The following HSD17B12 variants were observed in gnomAD, a reference collection of about 807,000 sequenced individuals.
HSD17B12 encodes hydroxysteroid 17-beta dehydrogenase 12.
In HSD17B12, 32 loss-of-function variants were observed where a neutral mutation model predicts 39.3. The ratio of observed to expected loss-of-function variants is 0.81; its 90% CI spans 0.61 to 1.09. The LOEUF is 1.09. Ranked by LOEUF, HSD17B12 falls within the 50% of genes least tolerant of loss-of-function variation. The pLI is 0.00. For missense variants in HSD17B12, 342 were observed against 382.9 expected, an observed-to-expected ratio of 0.89 and a Z score of 0.89; for synonymous variants, 150 against 146.7, an observed-to-expected ratio of 1.02 and a Z score of -0.16.
At chr11:43,736,917 A>G (rs1220906535) in intron 1 of HSD17B12, among the ~76,000 whole-genome samples, 1 of 152,210 alleles carries the variant, frequency 6.6e-6, no homozygotes, top group Non-Finnish European at 1.5e-5. Context: ...TTTAGCAACA[A>G]AAGGGAATTG....
rs573306253 is a variant in HSD17B12 at position 43,831,310 on chromosome 11, G to A, written c.536+300G>A. 39 of 208,090 alleles carry A rather than the reference G, an allele frequency of 1.9e-4. No homozygotes were observed. The highest frequency in any genetic ancestry group is 1.5e-3 in the Middle Eastern group (1 of 688). 12.9% of individuals were successfully genotyped at this position (208,090 alleles called of 1,614,324 possible). On this transcript the variant is annotated intron_variant, in intron 7 of 10. Transcript: ENST00000278353. This position sits in a 1 kb window ranked among gnomAD's most constrained non-coding sequence, Gnocchi z 4.1. ...CAATTGCCTACTATTCTGAGGGGGC[G>A]GATAGAGTTCCTGGGATATTCCCGG... is the stretch of plus-strand genomic sequence containing the variant.
chr11:43,750,843 G>A (rs1037211490), intron 1 of HSD17B12, 68 bp from the exon 2 acceptor site: 1 of 1,023,374 alleles, frequency 9.8e-7, no homozygotes, highest in Non-Finnish European at 1.5e-6. Flanking sequence ...GTAATTGGTG[G>A]GTCCTAACTA....
intron 1 of HSD17B12, among the ~76,000 whole-genome samples, chr11:43,717,804 C>CTT (rs34501307): frequency 0.01 from 1,314 of 130,156 alleles, 8 homozygotes; most frequent in Non-Finnish European, 0.013. Flanking sequence ...TCTTCTTCTT[C>CTT]TTTTTTTTTT....
the HSD17B12 span, among the ~76,000 whole-genome samples, chr11:43,602,229 A>T: frequency 1.3e-5 from 2 of 152,238 alleles, no homozygotes; most frequent in African/African-American, 4.8e-5. Flanking sequence ...AAATCAATAC[A>T]TGTTCATTGT....
At chr11:43,566,686 C>A in the HSD17B12 span, among the ~76,000 whole-genome samples, 1 of 152,240 alleles carries the variant, frequency 6.6e-6, no homozygotes, top group African/African-American at 2.4e-5. Flanking sequence ...CACACCGCCA[C>A]GCCCGGCTAA....
chr11:43,780,826 C>G (rs1418401815), intron 3 of HSD17B12, among the ~76,000 whole-genome samples: 3 of 152,296 alleles, frequency 2.0e-5, no homozygotes, highest in Middle Eastern at 3.4e-3. Flanking sequence ...GCACCTTTCC[C>G]CAAGGTGACC....
chr11:43,577,541 C>T, the HSD17B12 span, among the ~76,000 whole-genome samples: 1 of 152,260 alleles, frequency 6.6e-6, no homozygotes, highest in Admixed American at 6.5e-5. Flanking sequence ...GATTTCTCCT[C>T]GGTGATGGTG....
intron 1 of HSD17B12, among the ~76,000 whole-genome samples, chr11:43,686,101 A>T (rs1041113247): frequency 2.6e-5 from 4 of 152,210 alleles, no homozygotes; most frequent in Non-Finnish European, 4.4e-5. Flanking sequence ...TCGCTCTGGC[A>T]TTCTTGAATG....
rs372925723 is a variant in HSD17B12, at chr11:43,744,356, TA to T, written c.161-6545del. The stretch of plus-strand genomic sequence containing the variant: ...GTGATAATTGTAAAAGCCCCAATGA[TA>T]AAAAAAAAAGCAGGTTACATAGAAA... On this transcript the variant is annotated intron_variant, in intron 1 of 10. Transcript: ENST00000278353. Among the ~76,000 whole-genome samples the T allele has an allele frequency of 1.5e-3, 220 of 145,048 alleles. 1 individual carries two copies. The highest frequency in any genetic ancestry group is 4.9e-3 in the African/African-American group (194 of 39,744).
intron 1 of HSD17B12, among the ~76,000 whole-genome samples, chr11:43,685,653 C>T (rs2902381): frequency 6.6e-6 from 1 of 152,162 alleles, no homozygotes; most frequent in Non-Finnish European, 1.5e-5. Flanking sequence ...GGTTTCATAG[C>T]TATTAAATTG....
chr11:43,655,643 T>C, the HSD17B12 span, among the ~76,000 whole-genome samples: 1 of 152,242 alleles, frequency 6.6e-6, no homozygotes, highest in Non-Finnish European at 1.5e-5. Flanking sequence ...CAAATGCCTT[T>C]TCTGCATCTA....
chr11:43,682,544 C>CAAAAAAAAAAAAAAAAAAAAA (rs55938101), intron 1 of HSD17B12, among the ~76,000 whole-genome samples: 1 of 118,462 alleles, frequency 8.4e-6, no homozygotes, highest in African/African-American at 3.2e-5. Flanking sequence ...AGACTCATCT[C>CAAAAAAAAAAAAAAAAAAAAA]AAAAAAAAAA....
chr11:43,743,968 G>A (rs182985327), intron 1 of HSD17B12, among the ~76,000 whole-genome samples: 22 of 152,298 alleles, frequency 1.4e-4, no homozygotes, highest in Admixed American at 4.6e-4. Flanking sequence ...TGTTAAAAGC[G>A]AGAAGGAGAG....
At chr11:43,734,593 G>A (rs1003713653) in intron 1 of HSD17B12, 7 of 367,606 alleles carry the variant, frequency 1.9e-5, no homozygotes, top group African/African-American at 1.2e-4. Flanking sequence ...GCATCTTCAC[G>A]GGCCAACTGG....
chr11:43,764,203 A>T (rs970718381), intron 3 of HSD17B12, among the ~76,000 whole-genome samples: 29 of 152,240 alleles, frequency 1.9e-4, no homozygotes, highest in Middle Eastern at 3.4e-3. Context: ...CCAATATTAG[A>T]AATGTTTCAA....
intron 3 of HSD17B12, among the ~76,000 whole-genome samples, chr11:43,776,915 T>C (rs1950711102): frequency 1.3e-5 from 2 of 152,190 alleles, no homozygotes; most frequent in South Asian, 4.1e-4. Context: ...CAGATAGTTG[T>C]AGATATGCGG....
At chr11:43,578,796 G>A in the HSD17B12 span, 4 of 151,944 alleles carry the variant, frequency 2.6e-5, no homozygotes, top group Non-Finnish European at 5.9e-5. Flanking sequence ...GTCAAGAAGG[G>A]GGCGGAGGGA....
chr11:43,679,664 T>G (rs957415026), upstream of HSD17B12, among the ~76,000 whole-genome samples: 1 of 152,158 alleles, frequency 6.6e-6, no homozygotes, highest in Non-Finnish European at 1.5e-5. Context: ...GAAGACAAAT[T>G]AAAAGATATA....
rs142861655 is a variant in HSD17B12, at chr11:43,794,549, G to C, written c.284-3771G>C. Among the ~76,000 whole-genome samples, 277 of 152,302 alleles carry C rather than the reference G, an allele frequency of 1.8e-3. 1 individual carries two copies. The highest frequency in any genetic ancestry group is 3.0e-3 in the Non-Finnish European group (204 of 68,004). On this transcript the variant is annotated intron_variant, in intron 3 of 10. Coordinates refer to ENST00000278353, the MANE Select transcript of HSD17B12 (RefSeq NM_016142.3). ...GCATTGTGAAAGAACAGAAAAATAA[G>C]ATAATAAACAGACTATACTTCTGGA...
Sources: gnomAD v4.1 joint callset for allele counts (sites outside exome capture counted in the v4.1 genomes callset) on GRCh38, gnomAD v4.1.1 for gene constraint, Gnocchi (gnomAD v3.1) non-coding constraint, MANE v1.5 for transcripts, NCBI Gene and HGNC (gene_info 2026-07-23, HGNC 2026-07-21) for gene names.